SPTLC3: variants seen among roughly 807,000 people sequenced by gnomAD.
SPTLC3 encodes the protein serine palmitoyltransferase long chain base subunit 3.
Under a neutral mutation model 59.3 loss-of-function variants are expected in SPTLC3, and 36 were observed. The ratio of observed to expected loss-of-function variants is 0.61; its 90% CI spans 0.47 to 0.80. The LOEUF is 0.80. Ranked by LOEUF, SPTLC3 falls within the 30% of genes least tolerant of loss-of-function variation. The pLI is 0.00. For synonymous variants in SPTLC3, 257 were observed against 240.8 expected (o/e 1.07, Z -0.62); for missense variants, 625 against 685.1 (o/e 0.91, Z 0.98).
Position 13,154,125 on chromosome 20 carries a change from C to T in SPTLC3, c.1402C>T (p.Pro468Ser), listed in dbSNP as rs2038712739. 6.2e-7 allele frequency: 1 copy of T among 1,614,032 alleles called. No individual in the cohort carries two copies. The highest frequency in any genetic ancestry group is 8.5e-7 in the Non-Finnish European group (1 of 1,179,952). ...ASVVPLLLYM[P>S]GKVAAFARHM... is the part of the protein sequence containing the mutation. Reference sequence around the variant, plus strand: ...TGTTGTTCCTCTGCTTCTTTATATGCCTGGTAAAGTAGCGTAAGTATCCAA... The same window carrying T: ...TGTTGTTCCTCTGCTTCTTTATATGTCTGGTAAAGTAGCGTAAGTATCCAA... The change falls in exon 10 of 12, where the codon CCT becomes TCT. Residue 468 changes from proline to serine, a missense_variant. By Grantham distance (74) the Pro-to-Ser change is moderately conservative. Coordinates refer to ENST00000399002, the MANE Select transcript of SPTLC3 (RefSeq NM_018327.4).
chr20:13,098,349 A>G (rs1043885525), intron 6 of SPTLC3, among the ~76,000 whole-genome samples: 1 of 152,220 alleles, frequency 6.6e-6, no homozygotes, highest in African/African-American at 2.4e-5. Context: ...GTGGACAGAC[A>G]TAGCTATAAA....
chr20:13,014,665 G>A (rs1035299268), intron 1 of SPTLC3, among the ~76,000 whole-genome samples: 19 of 152,164 alleles, frequency 1.2e-4, no homozygotes, highest in African/African-American at 4.3e-4. Context: ...ATAGTGAAGT[G>A]AGGCACAGAA....
At chr20:13,089,491 T>TAA in intron 4 of SPTLC3, among the ~76,000 whole-genome samples, 1 of 152,044 alleles carries the variant, frequency 6.6e-6, no homozygotes, top group East Asian at 1.9e-4. Flanking sequence ...GTAATCACTA[T>TAA]AAAAAAATAT....
chr20:13,038,912 GA>G (rs2122462673), intron 1 of SPTLC3, among the ~76,000 whole-genome samples: 1 of 151,396 alleles, frequency 6.6e-6, no homozygotes, highest in African/African-American at 2.4e-5. Context: ...TACTATTTAG[GA>G]AAATGTTGTT....
chr20:13,090,444 T>G lies in SPTLC3; in HGVS notation c.608-639T>G, dbSNP rs1353608992. Among the ~76,000 whole-genome samples the G allele has an allele frequency of 2.0e-5, 3 of 152,168 alleles. No individual in the cohort carries two copies. The East Asian group carries it at 5.8e-4, about 29-fold the overall frequency. On this transcript the variant is annotated intron_variant, in intron 4 of 11. Coordinates refer to ENST00000399002, the MANE Select transcript of SPTLC3 (RefSeq NM_018327.4). Reference sequence around the variant, plus strand: ...TGGAAATCATGGGATCTGTTTTGCATTTAGGTGTGGGAAAACTCTGATGGG... The same window carrying G: ...TGGAAATCATGGGATCTGTTTTGCAGTTAGGTGTGGGAAAACTCTGATGGG...
intron 7 of SPTLC3, among the ~76,000 whole-genome samples, chr20:13,112,377 A>G (rs1215500080): frequency 6.6e-6 from 1 of 152,112 alleles, no homozygotes; most frequent in Non-Finnish European, 1.5e-5. Flanking sequence ...CTCCCTTACA[A>G]CGTGGTGCTG....
intron 9 of SPTLC3, among the ~76,000 whole-genome samples, chr20:13,146,426 T>C (rs185139510): frequency 3.3e-5 from 5 of 151,980 alleles, no homozygotes; most frequent in African/African-American, 1.2e-4. Context: ...AAACCTAAAA[T>C]TAAAATTAAA....
intron 1 of SPTLC3, among the ~76,000 whole-genome samples, chr20:13,018,286 G>A (rs1177560765): frequency 1.3e-5 from 2 of 152,156 alleles, no homozygotes; most frequent in African/African-American, 4.8e-5. Context: ...TGCAATCTCA[G>A]TACCATTTTC....
intron 8 of SPTLC3, among the ~76,000 whole-genome samples, chr20:13,120,726 G>T (rs1477038930): frequency 1.3e-5 from 2 of 152,184 alleles, no homozygotes; most frequent in Non-Finnish European, 1.5e-5. Context: ...GGAAACAGAG[G>T]TTTTGTTTTT....
chr20:13,042,307 G>T (rs1440658949), intron 1 of SPTLC3, among the ~76,000 whole-genome samples: 1 of 152,040 alleles, frequency 6.6e-6, no homozygotes, highest in Non-Finnish European at 1.5e-5. Flanking sequence ...GTTATCTTGG[G>T]GAATGCTCTG....
chr20:13,129,797 T>C (rs2038080940), intron 9 of SPTLC3, among the ~76,000 whole-genome samples: 5 of 152,244 alleles, frequency 3.3e-5, no homozygotes, highest in Admixed American at 3.3e-4. Context: ...TCAGTAATCA[T>C]CTGCCATCAA....
chr20:13,133,648 C>A (rs974529355), intron 9 of SPTLC3, among the ~76,000 whole-genome samples: 1 of 152,112 alleles, frequency 6.6e-6, no homozygotes, highest in Non-Finnish European at 1.5e-5. Flanking sequence ...GCAAGAGAAT[C>A]GCTTGAGCCC....
chr20:13,048,429 T>C (rs536822251), intron 1 of SPTLC3, among the ~76,000 whole-genome samples: 2 of 152,350 alleles, frequency 1.3e-5, no homozygotes, highest in East Asian at 3.9e-4. Flanking sequence ...GATTATCTGA[T>C]TGTTTTCACA....
At chr20:13,099,188 G>A (rs2224226) in intron 6 of SPTLC3, among the ~76,000 whole-genome samples, 46,338 of 151,988 alleles carry the variant, frequency 0.3, 7,864 homozygotes, top group Middle Eastern at 0.4. Context: ...TGGCAAAAGA[G>A]TGAGGATCAG....
chr20:13,009,300 C>A lies in SPTLC3; in HGVS notation c.33C>A (p.Asn11Lys). Reference sequence around the variant, plus strand: ...ACCCTGGAGGTGGTGCTGTTTGCAACGGGAAACTTCACAATCACAAGAAAC... The same window carrying A: ...ACCCTGGAGGTGGTGCTGTTTGCAAAGGGAAACTTCACAATCACAAGAAAC... MANPGGGAVC[N>K]GKLHNHKKQS... Residue 11 changes from asparagine to lysine, a missense_variant, in exon 1 of 12, where the codon AAC (asparagine) becomes AAA (lysine). Asn to Lys is a moderately conservative substitution (Grantham distance 94, BLOSUM62 0). Transcript: ENST00000399002. 1.2e-6 allele frequency: 2 copies of A among 1,613,980 alleles called. No individual in the cohort carries two copies. The highest frequency in any genetic ancestry group is 1.7e-6 in the Non-Finnish European group (2 of 1,179,966).
intron 3 of SPTLC3, 145 bp from the exon 4 acceptor site, chr20:13,074,204 C>A: frequency 1.9e-6 from 2 of 1,063,144 alleles, no homozygotes; most frequent in South Asian, 1.3e-5. Context: ...CAGCTCTGTT[C>A]CACCTCACAG....
intron 1 of SPTLC3, among the ~76,000 whole-genome samples, chr20:13,023,870 T>G (rs934367219): frequency 6.6e-6 from 1 of 152,190 alleles, no homozygotes; most frequent in Non-Finnish European, 1.5e-5. Context: ...TGCTGCATCT[T>G]AGCAGGAGAT....
chr20:13,077,217 C>A (rs1405990494), intron 4 of SPTLC3, among the ~76,000 whole-genome samples: 1 of 151,424 alleles, frequency 6.6e-6, no homozygotes, highest in Non-Finnish European at 1.5e-5. Flanking sequence ...ATCTGACAAA[C>A]AAGCATTTAA....
intron 8 of SPTLC3, among the ~76,000 whole-genome samples, chr20:13,121,029 G>A (rs752069675): frequency 1.3e-5 from 2 of 152,210 alleles, no homozygotes; most frequent in Non-Finnish European, 2.9e-5. Flanking sequence ...TTGAAGGAAA[G>A]CCTAAGCTGA....
Sources: allele counts gnomAD v4.1 joint callset (sites outside exome capture counted in the v4.1 genomes callset), GRCh38; gene constraint gnomAD v4.1.1; transcripts MANE v1.5; gene names NCBI Gene and HGNC (gene_info 2026-07-23, HGNC 2026-07-21).